The following UNC5D variants were observed in gnomAD, a reference collection of about 807,000 sequenced individuals.
The protein encoded by UNC5D is netrin receptor UNC5D.
Under a neutral mutation model 105.4 loss-of-function variants are expected in UNC5D, and 39 were observed. The ratio of observed to expected loss-of-function variants is 0.37; its 90% CI spans 0.29 to 0.48. The LOEUF (loss-of-function observed/expected upper bound fraction) is 0.48, where lower values mean the gene tolerates loss of function less well. UNC5D is among the 20% of genes least tolerant of loss of function. UNC5D has a pLI of 0.98. For missense variants in UNC5D, 991 were observed against 1,202.4 expected (o/e 0.82, Z 2.60); for synonymous variants, 452 against 450.4 (o/e 1.00, Z -0.04).
At chr8:35,512,349 C>T (rs1812766011) in intron 1 of UNC5D, among the ~76,000 whole-genome samples, 1 of 150,146 alleles carries the variant, frequency 6.7e-6, no homozygotes, top group Admixed American at 6.6e-5. Flanking sequence ...TGGTGAGACC[C>T]TGTCTCTACA....
At chr8:35,541,346 T>TA (rs1285870556) in intron 1 of UNC5D, among the ~76,000 whole-genome samples, 2 of 152,324 alleles carry the variant, frequency 1.3e-5, no homozygotes, top group East Asian at 3.9e-4. Context: ...AGTCTAAACT[T>TA]AATTTAACAG....
chr8:35,597,991 G>A (rs1488431993), intron 4 of UNC5D, among the ~76,000 whole-genome samples: 2 of 152,024 alleles, frequency 1.3e-5, no homozygotes, highest in African/African-American at 2.4e-5. Context: ...ATCTCTCTCA[G>A]ATGCACCAGC....
chr8:35,435,941 A>C (rs1806979320), intron 1 of UNC5D, among the ~76,000 whole-genome samples: 1 of 152,106 alleles, frequency 6.6e-6, no homozygotes. Context: ...TCTTGGAAAT[A>C]AGCATTTATC....
intron 4 of UNC5D, among the ~76,000 whole-genome samples, chr8:35,605,073 T>A (rs1012396223): frequency 6.6e-6 from 1 of 152,224 alleles, no homozygotes; most frequent in African/African-American, 2.4e-5. Flanking sequence ...CCAGCTTTGT[T>A]CCGTTGCTGG....
chr8:35,413,287 G>GT (rs796604481), intron 1 of UNC5D, among the ~76,000 whole-genome samples: 7 of 11,636 alleles, frequency 6.0e-4, no homozygotes, highest in Non-Finnish European at 1.8e-3. Context: ...GTGTGTGTGT[G>GT]TGTGTTGTGT....
chr8:35,299,203 T>C (rs1481160874), intron 1 of UNC5D, among the ~76,000 whole-genome samples: 1 of 152,158 alleles, frequency 6.6e-6, no homozygotes, highest in Non-Finnish European at 1.5e-5. Flanking sequence ...GTTTCCGAAA[T>C]ATGTTATGAT....
chr8:35,313,552 C>T (rs1809058642), intron 1 of UNC5D, among the ~76,000 whole-genome samples: 1 of 152,162 alleles, frequency 6.6e-6, no homozygotes. Context: ...CATCCACTGA[C>T]ATTTCTTCTA....
intron 1 of UNC5D, among the ~76,000 whole-genome samples, chr8:35,485,039 G>A (rs1563462678): frequency 6.6e-6 from 1 of 152,116 alleles, no homozygotes; most frequent in Non-Finnish European, 1.5e-5. Context: ...AGAGATGTAT[G>A]GTAGCAACAC....
chr8:35,567,275 A>G (rs1817416922), intron 2 of UNC5D, among the ~76,000 whole-genome samples: 1 of 152,198 alleles, frequency 6.6e-6, no homozygotes, highest in Non-Finnish European at 1.5e-5. Flanking sequence ...TATCAATGAA[A>G]AAATACAGAA....
intron 4 of UNC5D, among the ~76,000 whole-genome samples, chr8:35,659,486 T>C (rs1823983237): frequency 6.6e-6 from 1 of 152,258 alleles, no homozygotes; most frequent in African/African-American, 2.4e-5. Flanking sequence ...GAGGTTTGTT[T>C]ACATTAATCA....
At chr8:35,625,253 C>G (rs757021750) in intron 4 of UNC5D, among the ~76,000 whole-genome samples, 5 of 152,028 alleles carry the variant, frequency 3.3e-5, no homozygotes, top group Non-Finnish European at 7.4e-5. Flanking sequence ...GTTAGAAATG[C>G]GCCTTATAGG....
chr8:35,486,534 A>AT (rs1327734093), intron 1 of UNC5D, among the ~76,000 whole-genome samples: 1 of 152,150 alleles, frequency 6.6e-6, no homozygotes, highest in East Asian at 1.9e-4. Context: ...TCAAGTCATA[A>AT]TTTTTTAATT....
At chr8:35,311,636 G>A (rs1273737931) in intron 1 of UNC5D, among the ~76,000 whole-genome samples, 1 of 152,110 alleles carries the variant, frequency 6.6e-6, no homozygotes, top group East Asian at 1.9e-4. Flanking sequence ...GCTGGGCATG[G>A]TGCATGAGCT....
chr8:35,743,787 ATG>A (rs1407280325), intron 11 of UNC5D, among the ~76,000 whole-genome samples: 2 of 151,958 alleles, frequency 1.3e-5, no homozygotes, highest in Non-Finnish European at 2.9e-5. Flanking sequence ...ATATGTGCAT[ATG>A]TGTATTTTTT....
chr8:35,378,055 G>A (rs912499255), intron 1 of UNC5D, among the ~76,000 whole-genome samples: 2 of 151,990 alleles, frequency 1.3e-5, no homozygotes, highest in Non-Finnish European at 2.9e-5. Context: ...TCTGGCTGCT[G>A]CTATCTGGTC....
At chr8:35,690,241 A>G (rs939143188) in intron 7 of UNC5D, among the ~76,000 whole-genome samples, 4 of 152,310 alleles carry the variant, frequency 2.6e-5, no homozygotes, top group Admixed American at 6.5e-5. Flanking sequence ...ATTGAGATAT[A>G]TTTGCATATC....
chr8:35,694,715 G>A (rs1826637506), intron 7 of UNC5D, among the ~76,000 whole-genome samples: 1 of 152,010 alleles, frequency 6.6e-6, no homozygotes, highest in Middle Eastern at 3.2e-3. Flanking sequence ...GTGTGTGTGT[G>A]TGGTGTTTTG....
intron 1 of UNC5D, among the ~76,000 whole-genome samples, chr8:35,498,084 C>CAAAAAAAA (rs58175711): frequency 2.4e-4 from 14 of 58,170 alleles, no homozygotes; most frequent in Non-Finnish European, 5.2e-4. Context: ...CAAAACAAAA[C>CAAAAAAAA]AAAAAAAAAA....
At chr8:35,353,002 G>A (rs2128911405) in intron 1 of UNC5D, among the ~76,000 whole-genome samples, 1 of 152,222 alleles carries the variant, frequency 6.6e-6, no homozygotes, top group East Asian at 1.9e-4. Context: ...CAAAGTAAAT[G>A]TAAAGTAGCC....
Sources: gnomAD v4.1 joint callset for allele counts (sites outside exome capture counted in the v4.1 genomes callset) on GRCh38, gnomAD v4.1.1 for gene constraint, MANE v1.5 for transcripts, NCBI Gene and HGNC (gene_info 2026-07-23, HGNC 2026-07-21) for gene names.